GABRG1: variants seen among roughly 807,000 people sequenced by gnomAD.
GABRG1 encodes gamma-aminobutyric acid type A receptor subunit gamma1, also known as gamma-aminobutyric acid receptor subunit gamma-1.
In GABRG1, 49 loss-of-function variants were observed where a neutral mutation model predicts 49.8. The observed-to-expected ratio is 0.98, with a 90% CI of 0.78 to 1.25. The LOEUF (loss-of-function observed/expected upper bound fraction) is 1.25, where lower values mean the gene tolerates loss of function less well. GABRG1 is among the 50% of genes most tolerant of loss of function. GABRG1 has a pLI of 0.00. For synonymous variants in GABRG1, 232 were observed against 185.1 expected (o/e 1.25, Z -2.06); for missense variants, 552 against 552.3 (o/e 1.00, Z 0.01).
At chr4:46,114,121 G>T (rs1577671632) in intron 1 of GABRG1, among the ~76,000 whole-genome samples, 1 of 150,920 alleles carries the variant, frequency 6.6e-6, no homozygotes, top group East Asian at 2.0e-4. Context: ...CCTTTCTAGG[G>T]TTGTAGCTCT....
At chr4:46,050,006 C>A (rs1718154450) in intron 8 of GABRG1, among the ~76,000 whole-genome samples, 1 of 151,778 alleles carries the variant, frequency 6.6e-6, no homozygotes, top group South Asian at 2.1e-4. Flanking sequence ...ATAAAACTTT[C>A]AAGGCAATAA....
At chr4:46,083,922 C>A in intron 3 of GABRG1, 64 bp downstream of exon 3, 3 of 860,440 alleles carry the variant, frequency 3.5e-6, no homozygotes, top group Non-Finnish European at 5.6e-6. Flanking sequence ...CATGCGAATT[C>A]TATTTTGGAG....
intron 3 of GABRG1, among the ~76,000 whole-genome samples, chr4:46,078,016 C>G (rs1719423933): frequency 6.6e-6 from 1 of 151,218 alleles, no homozygotes. Flanking sequence ...AATGTTGAAT[C>G]AAAAGTAACT....
intron 3 of GABRG1, among the ~76,000 whole-genome samples, chr4:46,075,158 A>G (rs976287607): frequency 2.0e-5 from 3 of 151,980 alleles, no homozygotes; most frequent in Non-Finnish European, 4.4e-5. Context: ...TCTTCCTCAT[A>G]CAAATACTTT....
chr4:46,076,399 A>ATATATATATATG (rs1719333473), intron 3 of GABRG1, among the ~76,000 whole-genome samples: 1 of 142,090 alleles, frequency 7.0e-6, no homozygotes, highest in Non-Finnish European at 1.5e-5. Flanking sequence ...ATATATATAT[A>ATATATATATATG]TATATGCTAA....
In GABRG1 at chr4:46,051,405, A is replaced by T. The variant is rs753522894; in HGVS notation, c.1131+19T>A. 1 of 1,549,434 alleles carries T rather than the reference A, an allele frequency of 6.5e-7. No individual in the cohort carries two copies. The highest frequency in any genetic ancestry group is 8.7e-7 in the Non-Finnish European group (1 of 1,144,864). On this transcript the variant is annotated intron_variant, in intron 8 of 8. Coordinates refer to ENST00000295452, the MANE Select transcript of GABRG1 (RefSeq NM_173536.4). The stretch of plus-strand genomic sequence containing the variant: ...GTAAGTTGAGGTTTATAAAATAGAA[A>T]TTTTTCTTTTTAACATACCGAGGCT...
chr4:46,060,509 A>G (rs943320801), intron 5 of GABRG1, among the ~76,000 whole-genome samples: 4 of 152,150 alleles, frequency 2.6e-5, no homozygotes, highest in African/African-American at 7.2e-5. Context: ...CTTTCTACGT[A>G]TGGTCACATA....
intron 8 of GABRG1, among the ~76,000 whole-genome samples, chr4:46,047,042 T>C (rs1718025413): frequency 6.6e-6 from 1 of 152,100 alleles, no homozygotes; most frequent in South Asian, 2.1e-4. Flanking sequence ...AGATAAACAT[T>C]ACCCAATAGC....
At chr4:46,100,920 C>A (rs1720359945) in intron 1 of GABRG1, among the ~76,000 whole-genome samples, 1 of 151,110 alleles carries the variant, frequency 6.6e-6, no homozygotes, top group Non-Finnish European at 1.5e-5. Flanking sequence ...TTATCTACAC[C>A]TTTTCTCTAA....
Position 46,041,254 on chromosome 4 carries a change from T to C in GABRG1, c.1132A>G (p.Met378Val), listed in dbSNP as rs981682278. 3.1e-6 allele frequency: 5 copies of C among 1,611,396 alleles called. No homozygotes were observed. The highest frequency in any genetic ancestry group is 4.2e-6 in the Non-Finnish European group (5 of 1,178,544). Reference protein sequence around the residue: ...KDRKLKNKASMTPGLHPGSTL... With the variant: ...KDRKLKNKASVTPGLHPGSTL... The stretch of plus-strand genomic sequence containing the variant: ...GATCCAGGATGGAGACCAGGAGTCA[T>C]CTGAGCACAATAATAAATGAATTTT... Residue 378 changes from methionine to valine, a missense_variant and splice_region_variant, in exon 9 of 9, where the codon ATG becomes GTG. By Grantham distance (21) the Met-to-Val change is conservative. Coordinates refer to ENST00000295452, the MANE Select transcript of GABRG1 (RefSeq NM_173536.4).
chr4:46,123,858 C>G lies in GABRG1; in HGVS notation c.56G>C (p.Arg19Thr), dbSNP rs867251537. ...TAACAAGAAGACCAACCTCACCCCT[C>G]TACTTTGACTCCGCAGAAGAAAAGG... ...FSPFLLRSQS[R>T]GVRLVFLLLT... The change falls in exon 1 of 9, where the codon AGA becomes ACA. Residue 19 changes from arginine to threonine, a missense_variant. Transcript: ENST00000295452. 2 of 1,613,668 alleles carry G rather than the reference C, an allele frequency of 1.2e-6. No individual in the cohort carries two copies. The highest frequency in any genetic ancestry group is 8.5e-7 in the Non-Finnish European group (1 of 1,179,806).
At chr4:46,048,423 G>T (rs922743385) in intron 8 of GABRG1, among the ~76,000 whole-genome samples, 1 of 135,170 alleles carries the variant, frequency 7.4e-6, no homozygotes, top group Admixed American at 7.6e-5. Flanking sequence ...AGGAAGGAAG[G>T]TTCTTCCAAG....
intron 3 of GABRG1, among the ~76,000 whole-genome samples, chr4:46,078,003 A>AT (rs1719423549): frequency 6.6e-6 from 1 of 151,678 alleles, no homozygotes; most frequent in African/African-American, 2.4e-5. Context: ...TTTTTTCTCT[A>AT]TAAATGTTGA....
At chr4:46,072,392 A>G (rs1323476206) in intron 3 of GABRG1, among the ~76,000 whole-genome samples, 1 of 152,086 alleles carries the variant, frequency 6.6e-6, no homozygotes, top group Non-Finnish European at 1.5e-5. Context: ...AAAATTAACC[A>G]TCACAGAGCT....
At chr4:46,071,118 G>A (rs1230825297) in intron 3 of GABRG1, among the ~76,000 whole-genome samples, 1 of 151,990 alleles carries the variant, frequency 6.6e-6, no homozygotes, top group African/African-American at 2.4e-5. Context: ...TTCTGGTGAT[G>A]CTGATATAAA....
At chr4:46,119,329 A>G (rs886906057) in intron 1 of GABRG1, among the ~76,000 whole-genome samples, 3 of 151,148 alleles carry the variant, frequency 2.0e-5, no homozygotes, top group African/African-American at 7.3e-5. Flanking sequence ...ACTAATGTTC[A>G]TTGTTTTGAC....
rs558993613 is a variant in GABRG1 at position 46,068,469 on chromosome 4, A to C, written c.322-2885T>G. ...CTTCTTTAAAATCCCTGATTCTGGA[A>C]GTGTTAATCACTGTTGGAAGACTTA... On this transcript the variant is annotated intron_variant, in intron 3 of 8. Coordinates refer to ENST00000295452, the MANE Select transcript of GABRG1 (RefSeq NM_173536.4). Among the ~76,000 whole-genome samples, 7 of 152,202 alleles carry C rather than the reference A, an allele frequency of 4.6e-5. No homozygotes were observed. The East Asian group carries it at 1.4e-3, about 30-fold the overall frequency.
At chr4:46,042,781 G>C (rs138222380) in intron 8 of GABRG1, among the ~76,000 whole-genome samples, 7 of 152,042 alleles carry the variant, frequency 4.6e-5, no homozygotes, top group Admixed American at 3.9e-4. Context: ...ATTTTTAAAA[G>C]ATTAAAGCAT....
intron 3 of GABRG1, among the ~76,000 whole-genome samples, chr4:46,083,352 T>A (rs13121778): frequency 0.059 from 8,958 of 151,694 alleles, 451 homozygotes; most frequent in African/African-American, 0.13. Context: ...TCTATACTGC[T>A]ATAAGAGAGA....
Sources: gnomAD v4.1 joint callset for allele counts (sites outside exome capture counted in the v4.1 genomes callset) on GRCh38, gnomAD v4.1.1 for gene constraint, MANE v1.5 for transcripts, NCBI Gene and HGNC (gene_info 2026-07-23, HGNC 2026-07-21) for gene names.